GBE1: variants seen among roughly 807,000 people sequenced by gnomAD.
The protein encoded by GBE1 is 1,4-alpha-glucan-branching enzyme.
In GBE1, 70 loss-of-function variants were observed where a neutral mutation model predicts 88.8. The observed-to-expected ratio is 0.79, with a 90% confidence interval of 0.65 to 0.96. GBE1 has a LOEUF of 0.96. Among genes scored for constraint, GBE1 ranks in the 40% least tolerant of loss-of-function variants. The pLI is 0.00. For missense variants in GBE1, 872 were observed against 871.0 expected (o/e 1.00, Z -0.01); for synonymous variants, 284 against 300.1 (o/e 0.95, Z 0.56).
At chr3:81,677,882 AC>A (rs1433874689) in intron 2 of GBE1, among the ~76,000 whole-genome samples, 2 of 152,216 alleles carry the variant, frequency 1.3e-5, no homozygotes, top group African/African-American at 2.4e-5. Context: ...GTTTTCAAGA[AC>A]AATCTCTAAA....
At chr3:81,505,364 T>C (rs1028452992) in intron 14 of GBE1, among the ~76,000 whole-genome samples, 2 of 152,176 alleles carry the variant, frequency 1.3e-5, no homozygotes, top group Non-Finnish European at 2.9e-5. Flanking sequence ...GTAAGAACAG[T>C]TGCTGAAAAG....
At chr3:81,557,600 G>A (rs1415985436) in intron 12 of GBE1, among the ~76,000 whole-genome samples, 1 of 151,976 alleles carries the variant, frequency 6.6e-6, no homozygotes, top group African/African-American at 2.4e-5. Flanking sequence ...TGACTTAAAG[G>A]AGCCAGCAAG....
intron 12 of GBE1, among the ~76,000 whole-genome samples, chr3:81,542,752 G>T (rs1277477422): frequency 6.6e-6 from 1 of 152,016 alleles, no homozygotes; most frequent in Non-Finnish European, 1.5e-5. Context: ...TGGGTACTAT[G>T]TTCACCACCT....
At chr3:81,625,543 A>G (rs1328540218) in intron 7 of GBE1, among the ~76,000 whole-genome samples, 1 of 151,998 alleles carries the variant, frequency 6.6e-6, no homozygotes, top group Non-Finnish European at 1.5e-5. Context: ...GGCTCAAGCA[A>G]TCCTCCCACC....
chr3:81,701,760 T>G (rs1479999293), intron 2 of GBE1, among the ~76,000 whole-genome samples: 1 of 151,988 alleles, frequency 6.6e-6, no homozygotes, highest in Non-Finnish European at 1.5e-5. Context: ...TATTTTTTAT[T>G]TGTATTTATC....
chr3:81,545,251 C>T (rs974591614), intron 12 of GBE1, among the ~76,000 whole-genome samples: 1 of 152,046 alleles, frequency 6.6e-6, no homozygotes, highest in Non-Finnish European at 1.5e-5. Context: ...CTTGTAATCA[C>T]TGCCCCTGCT....
At position 81,721,213 on chromosome 3, in the gene GBE1, A is replaced by T. The variant is rs1280755573; in HGVS notation, c.144-15600T>A. ...ACTTAGAGTATAATAAAAAATAAAT[A>T]AATAAATAAATAAATAAATAAAAAC... On this transcript the variant is annotated intron_variant, in intron 1 of 15. Coordinates refer to ENST00000429644, the MANE Select transcript of GBE1 (RefSeq NM_000158.4). Among the ~76,000 whole-genome samples, 9 of 100,032 alleles carry T rather than the reference A, an allele frequency of 9.0e-5. 1 individual carries two copies. The highest frequency in any genetic ancestry group is 5.4e-4 in the South Asian group (2 of 3,696). The allele number at this position is 100,032 out of a possible 152,430, so 65.6% of individuals were successfully genotyped here.
At chr3:81,676,337 G>A (rs1283398854) in intron 2 of GBE1, among the ~76,000 whole-genome samples, 3 of 151,998 alleles carry the variant, frequency 2.0e-5, no homozygotes, top group Non-Finnish European at 1.5e-5. Context: ...TGCTTGTCTA[G>A]TTTCTCTTGA....
chr3:81,684,514 G>C (rs369780301), intron 2 of GBE1, among the ~76,000 whole-genome samples: 164 of 152,144 alleles, frequency 1.1e-3, no homozygotes, highest in Middle Eastern at 6.8e-3. Flanking sequence ...TCCTCTCTCT[G>C]GGGTCTCTTA....
intron 1 of GBE1, among the ~76,000 whole-genome samples, chr3:81,750,601 G>GTATA (rs1290586284): frequency 8.4e-5 from 3 of 35,796 alleles, no homozygotes; most frequent in African/African-American, 4.1e-4. Context: ...ATATATATAT[G>GTATA]TGTATATATA....
intron 1 of GBE1, among the ~76,000 whole-genome samples, chr3:81,753,804 G>C (rs566388869): frequency 6.6e-6 from 1 of 152,170 alleles, no homozygotes; most frequent in Non-Finnish European, 1.5e-5. Context: ...TGTACATCTT[G>C]TCATCTTCAG....
chr3:81,496,736 G>A lies in GBE1; in HGVS notation c.2052+2374C>T, dbSNP rs190347826. ...GTGATTTTTCTTCCTCTGGCTCTTTGCTGAATAACTTAGGTAAAAAGAAAA... is the reference window on the plus strand; with the variant it reads ...GTGATTTTTCTTCCTCTGGCTCTTTACTGAATAACTTAGGTAAAAAGAAAA... On this transcript the variant is annotated intron_variant, in intron 15 of 15. Coordinates refer to ENST00000429644, the MANE Select transcript of GBE1 (RefSeq NM_000158.4). Among the ~76,000 whole-genome samples the A allele has an allele frequency of 7.9e-5, 12 of 152,238 alleles. No individual in the cohort carries two copies. The East Asian group carries it at 2.1e-3, about 27-fold the overall frequency.
intron 12 of GBE1, among the ~76,000 whole-genome samples, chr3:81,562,675 T>C (rs1703435868): frequency 6.6e-6 from 1 of 152,052 alleles, no homozygotes; most frequent in Non-Finnish European, 1.5e-5. Context: ...AGTAGGGTGC[T>C]AAAAGACTGT....
chr3:81,512,920 T>C (rs1004088865), intron 14 of GBE1, among the ~76,000 whole-genome samples: 2 of 151,652 alleles, frequency 1.3e-5, no homozygotes, highest in African/African-American at 2.4e-5. Flanking sequence ...CTCATAAAAA[T>C]TGAAAAAAAA....
chr3:81,689,447 T>C (rs1483186961), intron 2 of GBE1, among the ~76,000 whole-genome samples: 4 of 152,240 alleles, frequency 2.6e-5, no homozygotes, highest in African/African-American at 9.6e-5. Context: ...CCACCAACAA[T>C]TGTCATGTTT....
chr3:81,739,838 T>A (rs183969569), intron 1 of GBE1, among the ~76,000 whole-genome samples: 105 of 152,290 alleles, frequency 6.9e-4, no homozygotes, highest in African/African-American at 2.4e-3. Flanking sequence ...TTACATTTTT[T>A]AACCAAAAAC....
chr3:81,642,446 C>G (rs762349831), intron 7 of GBE1: 9 of 186,058 alleles, frequency 4.8e-5, no homozygotes, highest in South Asian at 1.2e-4. Flanking sequence ...CAATGTATTT[C>G]TCTAGTAAAA....
intron 7 of GBE1, among the ~76,000 whole-genome samples, chr3:81,614,267 C>T (rs1482523317): frequency 2.0e-5 from 3 of 152,108 alleles, no homozygotes; most frequent in Non-Finnish European, 4.4e-5. Flanking sequence ...TGGTGTGTGT[C>T]CCCTATATCT....
At chr3:81,627,320 A>G (rs1434020277) in intron 7 of GBE1, among the ~76,000 whole-genome samples, 2 of 152,194 alleles carry the variant, frequency 1.3e-5, no homozygotes, top group Non-Finnish European at 2.9e-5. Context: ...TAAATGTGTC[A>G]AGCACCATTC....
Sources: allele counts gnomAD v4.1 joint callset (sites outside exome capture counted in the v4.1 genomes callset), GRCh38; gene constraint gnomAD v4.1.1; transcripts MANE v1.5; gene names NCBI Gene and HGNC (gene_info 2026-07-23, HGNC 2026-07-21).